The following NTM variants were observed in gnomAD, a reference collection of about 807,000 sequenced individuals.
NTM encodes neurotrimin.
NTM carries 13 observed loss-of-function variants against 42.1 expected under a neutral mutation model. That is an observed-to-expected ratio of 0.31 (90% CI 0.20 to 0.49). NTM has a LOEUF of 0.49. Among genes scored for constraint, NTM ranks in the 20% least tolerant of loss-of-function variants. The pLI is 0.99. For missense variants in NTM, 373 were observed against 452.8 expected, an observed-to-expected ratio of 0.82 and a Z score of 1.60; for synonymous variants, 187 against 179.2, an observed-to-expected ratio of 1.04 and a Z score of -0.35.
intron 4 of NTM, among the ~76,000 whole-genome samples, chr11:132,290,786 TG>T (rs1408715014): frequency 2.6e-5 from 4 of 152,092 alleles, no homozygotes; most frequent in African/African-American, 7.2e-5. Context: ...GAATTGGGGA[TG>T]GGGGTGCTAT....
intron 2 of NTM, among the ~76,000 whole-genome samples, chr11:132,073,485 G>A (rs1349252329): frequency 1.3e-5 from 2 of 152,312 alleles, no homozygotes; most frequent in East Asian, 1.9e-4. Flanking sequence ...CAAGCTATGA[G>A]TATTGTTAAA....
chr11:132,307,668 A>G lies in NTM; in HGVS notation c.527-21A>G, dbSNP rs112801455. On this transcript the variant is annotated intron_variant, in intron 4 of 8. Coordinates refer to ENST00000683400, the MANE Select transcript of NTM (RefSeq NM_001352005.2). ...CTTTTTTTTCCTTGTATTTCACCAC[A>G]CGTTACCGGTTTTCCCGCAGCGGTT... The G allele has an allele frequency of 8.7e-6, 14 of 1,613,510 alleles. 1 individual carries two copies. Among genetic ancestry groups the G allele is most frequent in the African/African-American group, 6.7e-5 (5 of 75,008 alleles).
intron 4 of NTM, among the ~76,000 whole-genome samples, chr11:132,222,665 G>A (rs141067057): frequency 3.4e-3 from 525 of 152,236 alleles, no homozygotes; most frequent in Non-Finnish European, 6.0e-3. Context: ...ACTAGAACCC[G>A]GAGTCCTGAA....
intron 1 of NTM, among the ~76,000 whole-genome samples, chr11:131,849,036 C>T (rs1401692718): frequency 6.6e-6 from 1 of 152,156 alleles, no homozygotes; most frequent in East Asian, 1.9e-4. Context: ...ATAATCATTT[C>T]TCCTAATAAT....
chr11:131,771,378 A>AG (rs1565527200), intron 1 of NTM: 1 of 152,174 alleles, frequency 6.6e-6, no homozygotes, highest in Non-Finnish European at 1.5e-5. Context: ...TTTAGTCATA[A>AG]TTGTCACAGA....
At chr11:131,854,453 A>T (rs1290557767) in intron 1 of NTM, among the ~76,000 whole-genome samples, 1 of 152,248 alleles carries the variant, frequency 6.6e-6, no homozygotes, top group African/African-American at 2.4e-5. Context: ...CTTTCCGAGG[A>T]TGTGACATTT....
intron 1 of NTM, among the ~76,000 whole-genome samples, chr11:131,533,389 A>T (rs1565609063): frequency 6.6e-6 from 1 of 152,230 alleles, no homozygotes; most frequent in East Asian, 1.9e-4. Flanking sequence ...CGCGGCCTTG[A>T]TAAATGCCTT....
At chr11:131,463,313 G>C (rs780917871) in intron 1 of NTM, among the ~76,000 whole-genome samples, 1 of 152,186 alleles carries the variant, frequency 6.6e-6, no homozygotes, top group Admixed American at 6.5e-5. Context: ...GCAGGGGCAC[G>C]TGCATCACCA....
intron 2 of NTM, among the ~76,000 whole-genome samples, chr11:132,076,298 A>G (rs1448824486): frequency 2.0e-5 from 3 of 152,342 alleles, no homozygotes; most frequent in Middle Eastern, 6.8e-3. Flanking sequence ...ATGCAATAGA[A>G]TAAGCATGGC....
intron 1 of NTM, among the ~76,000 whole-genome samples, chr11:131,763,272 T>C (rs940262747): frequency 1.3e-5 from 2 of 152,232 alleles, no homozygotes; most frequent in South Asian, 2.1e-4. Flanking sequence ...TATTTGGATA[T>C]GTTAATATTA....
chr11:131,972,383 AAAAC>A (rs1188730636), intron 2 of NTM, among the ~76,000 whole-genome samples: 1 of 152,146 alleles, frequency 6.6e-6, no homozygotes, highest in African/African-American at 2.4e-5. Context: ...ATTTTCAAAG[AAAAC>A]AAATAATAAT....
intron 4 of NTM, among the ~76,000 whole-genome samples, chr11:132,295,929 G>T (rs755997631): frequency 1.3e-5 from 2 of 152,156 alleles, no homozygotes; most frequent in African/African-American, 2.4e-5. Flanking sequence ...GATAATGAGG[G>T]CCTGAATTAA....
chr11:132,179,533 C>T (rs1374620884), intron 3 of NTM, among the ~76,000 whole-genome samples: 2 of 152,086 alleles, frequency 1.3e-5, no homozygotes. Flanking sequence ...TTGCCTTACA[C>T]CTCCAGTTAA....
At chr11:132,128,088 G>A (rs11222951) in intron 2 of NTM, among the ~76,000 whole-genome samples, 39,122 of 152,108 alleles carry the variant, frequency 0.26, 5,942 homozygotes, top group African/African-American at 0.42. Flanking sequence ...GCAGAAGGCT[G>A]TCTGGGGTTG....
At chr11:131,766,505 T>C (rs1418735341) in intron 1 of NTM, among the ~76,000 whole-genome samples, 6 of 152,156 alleles carry the variant, frequency 3.9e-5, no homozygotes, top group Non-Finnish European at 8.8e-5. Context: ...GCTGTCATTA[T>C]AAACTGGTAT....
intron 2 of NTM, among the ~76,000 whole-genome samples, chr11:131,943,700 C>T (rs555122284): frequency 2.0e-5 from 3 of 152,312 alleles, no homozygotes; most frequent in South Asian, 2.1e-4. Context: ...TTTAGAAATG[C>T]AACTTTCCTT....
chr11:131,803,858 C>A (rs553159222), intron 1 of NTM, among the ~76,000 whole-genome samples: 1 of 152,322 alleles, frequency 6.6e-6, no homozygotes, highest in African/African-American at 2.4e-5. Flanking sequence ...TTTCTCTTGT[C>A]CTTTCTTTTC....
At chr11:131,597,772 G>A (rs949928006) in intron 1 of NTM, among the ~76,000 whole-genome samples, 1 of 152,188 alleles carries the variant, frequency 6.6e-6, no homozygotes, top group Non-Finnish European at 1.5e-5. Context: ...TGGATCAAGG[G>A]AGTGCACATC....
intron 2 of NTM, among the ~76,000 whole-genome samples, chr11:131,979,526 G>C (rs2064925980): frequency 6.6e-6 from 1 of 152,188 alleles, no homozygotes; most frequent in African/African-American, 2.4e-5. Flanking sequence ...CTATGGAAAT[G>C]CAATTAAAAG....
Sources: allele counts gnomAD v4.1 joint callset (sites outside exome capture counted in the v4.1 genomes callset), GRCh38; gene constraint gnomAD v4.1.1; transcripts MANE v1.5; gene names NCBI Gene and HGNC (gene_info 2026-07-23, HGNC 2026-07-21).